The following TMEM71 variants were observed in gnomAD, a reference collection of about 807,000 sequenced individuals.
The protein encoded by TMEM71 is transmembrane protein 71.
In TMEM71, 44 loss-of-function variants were observed where a neutral mutation model predicts 38.0. The ratio of observed to expected loss-of-function variants is 1.16; its 90% confidence interval spans 0.91 to 1.49. TMEM71 has a LOEUF of 1.49. Ranked by LOEUF, TMEM71 falls within the 40% of genes most tolerant of loss-of-function variation. TMEM71 has a pLI of 0.00. For synonymous variants in TMEM71, 133 were observed against 122.5 expected (o/e 1.09, Z -0.56); for missense variants, 367 against 348.6 (o/e 1.05, Z -0.42).
chr8:132,744,719 C>G (rs1295552103), intron 5 of TMEM71, among the ~76,000 whole-genome samples: 1 of 152,058 alleles, frequency 6.6e-6, no homozygotes, highest in Non-Finnish European at 1.5e-5. Flanking sequence ...TTTGAATAGC[C>G]AAAGCAATTC....
the TMEM71 span, among the ~76,000 whole-genome samples, chr8:132,775,129 A>G: frequency 0.85 from 130,049 of 152,248 alleles, 56,238 homozygotes; most frequent in East Asian, 1. Flanking sequence ...AGAATAATAA[A>G]CAATGCCCTT....
chr8:132,750,199 G>C (rs1375024511), intron 4 of TMEM71, among the ~76,000 whole-genome samples: 1 of 152,144 alleles, frequency 6.6e-6, no homozygotes, highest in African/African-American at 2.4e-5. Context: ...GATAAGTGGT[G>C]CTTCTTTTCA....
intron 6 of TMEM71, among the ~76,000 whole-genome samples, chr8:132,724,698 A>G (rs1009775345): frequency 6.6e-6 from 1 of 152,210 alleles, no homozygotes; most frequent in African/African-American, 2.4e-5. Flanking sequence ...GACAGGATTA[A>G]GAGATTAAAA....
intron 5 of TMEM71, among the ~76,000 whole-genome samples, chr8:132,742,230 C>A (rs964385602): frequency 2.0e-5 from 3 of 152,226 alleles, no homozygotes; most frequent in Admixed American, 6.5e-5. Context: ...TCTGGTATAA[C>A]TATTTTTGTT....
intron 5 of TMEM71, among the ~76,000 whole-genome samples, chr8:132,733,152 CTG>C (rs1458302279): frequency 2.0e-5 from 3 of 152,066 alleles, no homozygotes; most frequent in Non-Finnish European, 4.4e-5. Flanking sequence ...TACATAATTT[CTG>C]TGTGTGTGTT....
intron 3 of TMEM71, among the ~76,000 whole-genome samples, chr8:132,756,149 A>G (rs1447959289): frequency 6.6e-6 from 1 of 152,078 alleles, no homozygotes; most frequent in Non-Finnish European, 1.5e-5. Flanking sequence ...GGAATAAGAG[A>G]CAGTCAGAGA....
rs59930682 is a variant in TMEM71, at chr8:132,746,979, C to T, written c.450G>A (p.Gly150=). The T allele has an allele frequency of 6.2e-7, 1 of 1,611,990 alleles. No individual in the cohort carries two copies. Among genetic ancestry groups the T allele is most frequent in the Non-Finnish European group, 8.5e-7 (1 of 1,179,398 alleles). ...SSPSEDNWLK[G]TRRLDTDHCN... ...AATGGTCTGTGTCCAACCTCCTGGT[C>T]CCCTTCAACCAGTTGTCTTCACTTG... is the stretch of plus-strand genomic sequence containing the variant. Residue 150 remains glycine, a synonymous_variant, in exon 5 of 10, where the codon GGG becomes GGA. Coordinates refer to ENST00000677595, the MANE Select transcript of TMEM71 (RefSeq NM_001382403.1).
chr8:132,714,020 A>G lies in TMEM71; in HGVS notation c.847T>C (p.Tyr283His). 1.2e-6 allele frequency: 2 copies of G among 1,614,064 alleles called. No homozygotes were observed. The highest frequency in any genetic ancestry group is 1.7e-6 in the Non-Finnish European group (2 of 1,179,932). Residue 283 changes from tyrosine (Y) to histidine (H), a missense_variant, in exon 9 of 10, where the codon TAT (tyrosine) becomes CAT (histidine). Physicochemically the swap from Tyr to His is moderately conservative, Grantham distance 83. Transcript: ENST00000677595. Reference sequence around the variant, plus strand: ...CGAGCACAGGCAGTGGTTTTGAAATAGCTGGCAAGGCTGAGAAACAATGAT... The same window carrying G: ...CGAGCACAGGCAGTGGTTTTGAAATGGCTGGCAAGGCTGAGAAACAATGAT... ...VKSLFLSLAS[Y>H]FKTTACARFV...
chr8:132,747,480 C>T (rs1020733721), intron 4 of TMEM71, among the ~76,000 whole-genome samples: 1 of 152,138 alleles, frequency 6.6e-6, no homozygotes, highest in Non-Finnish European at 1.5e-5. Context: ...TATTATTATC[C>T]CATTTTTCTG....
intron 9 of TMEM71, among the ~76,000 whole-genome samples, 196 bp from the exon 10 acceptor site, chr8:132,711,178 C>G (rs1388564982): frequency 6.6e-6 from 1 of 152,176 alleles, no homozygotes; most frequent in African/African-American, 2.4e-5. Flanking sequence ...TTTATCCCAG[C>G]AGTTCTTAGT....
At chr8:132,773,124 G>A in the TMEM71 span, among the ~76,000 whole-genome samples, 1 of 152,216 alleles carries the variant, frequency 6.6e-6, no homozygotes, top group Non-Finnish European at 1.5e-5. Flanking sequence ...TAGAAGTCAT[G>A]CATGACCTGG....
chr8:132,711,330 A>C (rs1826223246), intron 9 of TMEM71, among the ~76,000 whole-genome samples: 2 of 152,092 alleles, frequency 1.3e-5, no homozygotes, highest in African/African-American at 4.8e-5. Flanking sequence ...TTTTAATTGC[A>C]CTTTAAGTGA....
chr8:132,768,309 C>T, the TMEM71 span, among the ~76,000 whole-genome samples: 2 of 152,098 alleles, frequency 1.3e-5, no homozygotes, highest in African/African-American at 4.8e-5. Context: ...TCTCAAATTT[C>T]CTTTGGTCAC....
the TMEM71 span, chr8:132,775,631 G>A: frequency 2.9e-6 from 1 of 342,074 alleles, no homozygotes; most frequent in Admixed American, 4.8e-5. Flanking sequence ...GCTGTGCAGA[G>A]AGGAGGCCGA....
At chr8:132,707,697 A>G (rs904748049), downstream of TMEM71, among the ~76,000 whole-genome samples, 3 of 152,206 alleles carry the variant, frequency 2.0e-5, no homozygotes, top group African/African-American at 7.2e-5. Flanking sequence ...TGTGAGAAAT[A>G]TGTTTCTTTT....
chr8:132,758,944 C>G, intron 1 of TMEM71, 29 bp from the exon 2 acceptor site: 4 of 1,432,910 alleles, frequency 2.8e-6, no homozygotes, highest in Non-Finnish European at 3.9e-6. Flanking sequence ...AAAAGGTGGA[C>G]TATATATTAA....
the TMEM71 span, chr8:132,775,469 C>T: frequency 2.6e-6 from 1 of 381,320 alleles, no homozygotes; most frequent in South Asian, 1.3e-4. Context: ...GGACCCAGCT[C>T]CCTCCCGCGA....
intron 4 of TMEM71, among the ~76,000 whole-genome samples, chr8:132,750,142 T>C (rs2433062): frequency 6.6e-6 from 1 of 151,866 alleles, no homozygotes; most frequent in Non-Finnish European, 1.5e-5. Flanking sequence ...CTGACTAAAA[T>C]GGATGTAGGA....
chr8:132,710,921 G>C lies in TMEM71; in HGVS notation c.*46C>G. The C allele has an allele frequency of 6.3e-7, 1 of 1,585,286 alleles. No individual in the cohort carries two copies. Among genetic ancestry groups the C allele is most frequent in the Non-Finnish European group, 8.7e-7 (1 of 1,155,032 alleles). On this transcript the variant is annotated 3_prime_UTR_variant, in exon 10 of 10. Coordinates refer to ENST00000677595, the MANE Select transcript of TMEM71 (RefSeq NM_001382403.1). ...TAGACTGCAAGTTGGACAATTTCCA[G>C]ATATTCAGATGGAGGACATTCATCG...
Sources: gnomAD v4.1 joint callset for allele counts (sites outside exome capture counted in the v4.1 genomes callset) on GRCh38, gnomAD v4.1.1 for gene constraint, MANE v1.5 for transcripts, NCBI Gene and HGNC (gene_info 2026-07-23, HGNC 2026-07-21) for gene names.